MAK: variants seen among roughly 807,000 people sequenced by gnomAD.
The protein encoded by MAK is serine/threonine-protein kinase MAK.
MAK carries 65 observed loss-of-function variants against 82.6 expected under a neutral mutation model. That is an observed-to-expected ratio of 0.79 (90% CI 0.64 to 0.97). The LOEUF is 0.97. MAK is among the 50% of genes least tolerant of loss of function. MAK has a pLI of 0.00. For synonymous variants in MAK, 250 were observed against 274.2 expected, an observed-to-expected ratio of 0.91 and a Z score of 0.87; for missense variants, 703 against 780.2, an observed-to-expected ratio of 0.90 and a Z score of 1.18.
chr6:10,822,368 C>T (rs777909670), intron 2 of MAK, among the ~76,000 whole-genome samples: 4 of 150,694 alleles, frequency 2.7e-5, no homozygotes, highest in Non-Finnish European at 4.4e-5. Flanking sequence ...GCAGGAGAAT[C>T]GCTTGAACCT....
At chr6:10,792,462 C>A (rs547604321) in intron 9 of MAK, among the ~76,000 whole-genome samples, 5 of 152,122 alleles carry the variant, frequency 3.3e-5, no homozygotes, top group African/African-American at 1.2e-4. Flanking sequence ...CCACAGTGGT[C>A]GAGTTTTTGT....
chr6:10,830,549 T>C lies in MAK; in HGVS notation c.100A>G (p.Arg34Gly). ...AGTTGGCAGTGTCACACACAGTACC[T>C]TTTGATGGCCACCAGCTCCCCGGAT... ...NESGELVAIK[R>G]MKRKFYSWDE... The change falls in exon 2 of 15, where the codon AGG becomes GGG. Residue 34 changes from arginine (R) to glycine (G), a missense_variant and splice_region_variant. Physicochemically the swap from Arg to Gly is moderately radical, Grantham distance 125. Transcript: ENST00000354489. The C allele has an allele frequency of 6.2e-7, 1 of 1,613,170 alleles. No homozygotes were observed. Among genetic ancestry groups the C allele is most frequent in the Non-Finnish European group, 8.5e-7 (1 of 1,179,116 alleles).
intron 8 of MAK, among the ~76,000 whole-genome samples, chr6:10,797,110 ATACCTAC>A (rs963227334): frequency 1.2e-4 from 19 of 152,196 alleles, no homozygotes; most frequent in African/African-American, 3.9e-4. Flanking sequence ...GTACAACAAT[ATACCTAC>A]TAGTAATAAA....
At chr6:10,812,929 A>G (rs1359377454) in intron 5 of MAK, among the ~76,000 whole-genome samples, 3 of 148,146 alleles carry the variant, frequency 2.0e-5, no homozygotes, top group African/African-American at 7.5e-5. Flanking sequence ...AAGCCTGGCT[A>G]ATTTTTTACA....
At chr6:10,768,129 A>G (rs1772637411) in intron 14 of MAK, among the ~76,000 whole-genome samples, 1 of 152,224 alleles carries the variant, frequency 6.6e-6, no homozygotes, top group Admixed American at 6.5e-5. Flanking sequence ...TGAAAACAGG[A>G]ATATGCATGC....
rs143417239 is a variant in MAK at position 10,790,917 on chromosome 6, C to T, written c.1316+758G>A. On this transcript the variant is annotated intron_variant, in intron 10 of 14. Transcript: ENST00000354489. The stretch of plus-strand genomic sequence containing the variant: ...ACTCTGAGTTCATGCAAGACTTGAT[C>T]GTTTAAAAGAGTCTGGGACCTCCTC... Among the ~76,000 whole-genome samples, 845 of 152,270 alleles carry T rather than the reference C, an allele frequency of 5.5e-3. 26 individuals carry two copies. The highest frequency in any genetic ancestry group is 0.052 in the Admixed American group (801 of 15,272).
At chr6:10,803,616 T>C (rs1776181203) in intron 7 of MAK, 104 bp downstream of exon 7, 4 of 898,540 alleles carry the variant, frequency 4.5e-6, no homozygotes, top group South Asian at 4.5e-5. Flanking sequence ...AAATATCAGA[T>C]ATCTAGGCAA....
At chr6:10,826,042 T>A (rs1165441359) in intron 2 of MAK, among the ~76,000 whole-genome samples, 1 of 152,176 alleles carries the variant, frequency 6.6e-6, no homozygotes, top group Non-Finnish European at 1.5e-5. Flanking sequence ...GACCTTCTAG[T>A]CTTCAAGATA....
At chr6:10,809,053 A>G in intron 5 of MAK, 111 bp from the exon 6 acceptor site, 1 of 1,007,954 alleles carries the variant, frequency 9.9e-7, no homozygotes, top group Middle Eastern at 2.9e-4. Flanking sequence ...AATTCAAAAC[A>G]TCATCTTAGG....
intron 11 of MAK, among the ~76,000 whole-genome samples, chr6:10,783,983 C>T (rs1446636936): frequency 1.3e-5 from 2 of 152,052 alleles, no homozygotes; most frequent in African/African-American, 2.4e-5. Flanking sequence ...CACGCCACTG[C>T]ACTCCAGCCT....
intron 2 of MAK, among the ~76,000 whole-genome samples, chr6:10,824,651 G>A (rs9356994): frequency 0.14 from 20,809 of 152,074 alleles, 1,692 homozygotes; most frequent in Middle Eastern, 0.25. Context: ...TGCTCCCAGC[G>A]GCTCCACTTT....
intron 4 of MAK, among the ~76,000 whole-genome samples, chr6:10,816,541 C>A (rs550538187): frequency 1.3e-5 from 2 of 152,140 alleles, no homozygotes; most frequent in East Asian, 3.9e-4. Flanking sequence ...TACCCATAAT[C>A]CCACCACCTG....
intron 2 of MAK, among the ~76,000 whole-genome samples, chr6:10,820,129 A>G (rs1468565289): frequency 6.6e-6 from 1 of 152,092 alleles, no homozygotes; most frequent in Non-Finnish European, 1.5e-5. Flanking sequence ...AAAATTTAAA[A>G]AAAACAGGAT....
chr6:10,821,784 A>G (rs1005946528), intron 2 of MAK, among the ~76,000 whole-genome samples: 1 of 149,658 alleles, frequency 6.7e-6, no homozygotes, highest in African/African-American at 2.5e-5. Flanking sequence ...GTAGTGTGCT[A>G]TAACCGAGCC....
intron 6 of MAK, among the ~76,000 whole-genome samples, chr6:10,806,177 C>T (rs375742609): frequency 1.4e-5 from 2 of 140,936 alleles, no homozygotes; most frequent in East Asian, 2.0e-4. Flanking sequence ...GCCATCTTTT[C>T]TTTTTTTTTT....
chr6:10,804,416 C>T (rs751914054), intron 6 of MAK, among the ~76,000 whole-genome samples: 1 of 152,202 alleles, frequency 6.6e-6, no homozygotes, highest in African/African-American at 2.4e-5. Flanking sequence ...GGTCCCGGCT[C>T]ACTGCAACCT....
rs1418961146 is a variant in MAK at position 10,776,264 on chromosome 6, A to G, written c.1466-805T>C. On this transcript the variant is annotated intron_variant, in intron 11 of 14. Coordinates refer to ENST00000354489, the MANE Select transcript of MAK (RefSeq NM_001242957.3). The surrounding 1 kb of genome is among the most constrained non-coding windows in gnomAD (Gnocchi z 4.3). ...AGATACAGTAAAATGGAAACAGTTT[A>G]TCCCCTGTGCGCCAGAAAGAAGTCA... Among the ~76,000 whole-genome samples, 2 of 152,204 alleles carry G rather than the reference A, an allele frequency of 1.3e-5. No homozygotes were observed. The highest frequency in any genetic ancestry group is 2.9e-5 in the Non-Finnish European group (2 of 68,004).
In MAK at chr6:10,805,333, A is replaced by G. The variant is rs544917732; in HGVS notation, c.492-1442T>C. Among the ~76,000 whole-genome samples the G allele has an allele frequency of 2.6e-5, 4 of 152,272 alleles. No homozygotes were observed. In the East Asian group the frequency reaches 7.7e-4, roughly 29 times the overall value. On this transcript the variant is annotated intron_variant, in intron 6 of 14. Coordinates refer to ENST00000354489, the MANE Select transcript of MAK (RefSeq NM_001242957.3). ...CCAGGCACAGTGGCTCACACCTGTA[A>G]TTGCAGCACTTTGGGAGACCAAGGC... is the stretch of plus-strand genomic sequence containing the variant.
At chr6:10,829,868 C>T (rs552754831) in intron 2 of MAK, among the ~76,000 whole-genome samples, 1 of 151,826 alleles carries the variant, frequency 6.6e-6, no homozygotes, top group African/African-American at 2.4e-5. Context: ...ATGGAGTCTC[C>T]TTCTGTCACC....
Sources: gnomAD v4.1 joint callset for allele counts (sites outside exome capture counted in the v4.1 genomes callset) on GRCh38, gnomAD v4.1.1 for gene constraint, Gnocchi (gnomAD v3.1) non-coding constraint, MANE v1.5 for transcripts, NCBI Gene and HGNC (gene_info 2026-07-23, HGNC 2026-07-21) for gene names.